PIK3CA: variants seen among roughly 807,000 people sequenced by gnomAD.
PIK3CA encodes phosphatidylinositol-4,5-bisphosphate 3-kinase catalytic subunit alpha, also known as phosphatidylinositol 4,5-bisphosphate 3-kinase catalytic subunit alpha isoform.
PIK3CA carries 27 observed loss-of-function variants against 138.2 expected under a neutral mutation model. The ratio of observed to expected loss-of-function variants is 0.20; its 90% CI spans 0.14 to 0.27. The LOEUF is 0.27. Ranked by LOEUF, PIK3CA falls within the 10% of genes least tolerant of loss-of-function variation. PIK3CA has a pLI of 1.00. For missense variants in PIK3CA, 544 were observed against 1,277.4 expected, an observed-to-expected ratio of 0.43 and a Z score of 8.75; for synonymous variants, 358 against 413.2, an observed-to-expected ratio of 0.87 and a Z score of 1.62.
intron 1 of PIK3CA, among the ~76,000 whole-genome samples, chr3:179,179,518 G>T (rs926969253): frequency 6.6e-6 from 1 of 152,206 alleles, no homozygotes; most frequent in African/African-American, 2.4e-5. Flanking sequence ...TTGGAAAAGA[G>T]CATGACAGAA....
chr3:179,211,885 A>C (rs551457924), intron 9 of PIK3CA, among the ~76,000 whole-genome samples: 1 of 152,160 alleles, frequency 6.6e-6, no homozygotes, highest in Non-Finnish European at 1.5e-5. Context: ...AAGCAGAGAA[A>C]CGTCATGACG....
At chr3:179,171,115 T>TA (rs1481129337) in intron 1 of PIK3CA, among the ~76,000 whole-genome samples, 4 of 149,868 alleles carry the variant, frequency 2.7e-5, no homozygotes, top group Non-Finnish European at 5.9e-5. Context: ...ACAAAGGAAT[T>TA]AAAAATCATG....
intron 1 of PIK3CA, among the ~76,000 whole-genome samples, chr3:179,158,098 C>A (rs948234688): frequency 6.6e-6 from 1 of 152,086 alleles, no homozygotes; most frequent in Non-Finnish European, 1.5e-5. Context: ...TCTGTCCCTT[C>A]CAAGAATTTA....
intron 20 of PIK3CA, chr3:179,233,284 T>C (rs1725254170): frequency 5.0e-6 from 2 of 398,250 alleles, no homozygotes; most frequent in Non-Finnish European, 8.9e-6. Flanking sequence ...CTTGTCTTGT[T>C]CTAGTTCTCA....
chr3:179,218,348 T>G lies in PIK3CA; in HGVS notation c.1664+14T>G, dbSNP rs776839472. On this transcript the variant is annotated intron_variant, in intron 10 of 20. Transcript: ENST00000263967. ...ATGGAGTCACAGGTAAGTGCTAAAA[T>G]GGAGATTCTCTGTTTCTTTTTCTTT... 6.3e-7 allele frequency: 1 copy of G among 1,592,422 alleles called. No individual in the cohort carries two copies. Among genetic ancestry groups the G allele is most frequent in the Admixed American group, 1.8e-5 (1 of 56,438 alleles).
chr3:179,196,338 C>T (rs1724264953), intron 1 of PIK3CA, among the ~76,000 whole-genome samples: 1 of 152,116 alleles, frequency 6.6e-6, no homozygotes, highest in Non-Finnish European at 1.5e-5. Flanking sequence ...GGCATGTCAT[C>T]ATTTAAAAGT....
intron 1 of PIK3CA, among the ~76,000 whole-genome samples, chr3:179,193,389 G>T (rs1040650300): frequency 2.7e-4 from 41 of 152,314 alleles, no homozygotes; most frequent in African/African-American, 9.1e-4. Flanking sequence ...CTAGAAGAAG[G>T]AGATGCTACT....
At chr3:179,166,726 A>G (rs977022441) in intron 1 of PIK3CA, among the ~76,000 whole-genome samples, 2 of 152,210 alleles carry the variant, frequency 1.3e-5, no homozygotes, top group Admixed American at 6.5e-5. Flanking sequence ...AAGTATTCAC[A>G]TGGGTTTCCA....
chr3:179,228,809 C>T (rs1487134695), intron 17 of PIK3CA, among the ~76,000 whole-genome samples: 2 of 151,784 alleles, frequency 1.3e-5, no homozygotes, highest in African/African-American at 4.8e-5. Flanking sequence ...TTTATTTTCC[C>T]TATTTCAATT....
Position 179,239,213 on chromosome 3 carries a change from T to C in PIK3CA, c.*4849T>C, listed in dbSNP as rs1725391240. The C allele has an allele frequency of 4.9e-6, 1 of 205,546 alleles. No individual in the cohort carries two copies. The highest frequency in any genetic ancestry group is 6.0e-5 in the Admixed American group (1 of 16,772). 12.7% of individuals were successfully genotyped at this position (205,546 alleles called of 1,614,324 possible). A position where few individuals can be genotyped will look rare whatever the true frequency, so the allele number is the denominator to read the frequency against. On this transcript the variant is annotated 3_prime_UTR_variant, in exon 21 of 21. Transcript: ENST00000263967. ...AGAAAAGGTTTTTAAATGTATTTTTTTAGCCAGTTAAAGTCTATGAATCTA... is the reference window on the plus strand; with the variant it reads ...AGAAAAGGTTTTTAAATGTATTTTTCTAGCCAGTTAAAGTCTATGAATCTA...
At chr3:179,150,468 C>T (rs1722988259) in intron 1 of PIK3CA, among the ~76,000 whole-genome samples, 1 of 151,920 alleles carries the variant, frequency 6.6e-6, no homozygotes, top group South Asian at 2.1e-4. Flanking sequence ...AATGAAACAC[C>T]TGTAAATATA....
chr3:179,171,723 GTAAA>G (rs1381887671), intron 1 of PIK3CA, among the ~76,000 whole-genome samples: 1 of 152,064 alleles, frequency 6.6e-6, no homozygotes, highest in Non-Finnish European at 1.5e-5. Context: ...CCTATATAGA[GTAAA>G]TAAATTGAAT....
At chr3:179,195,513 G>T (rs1724245732) in intron 1 of PIK3CA, among the ~76,000 whole-genome samples, 1 of 152,074 alleles carries the variant, frequency 6.6e-6, no homozygotes, top group African/African-American at 2.4e-5. Context: ...GGAAAAATGA[G>T]ATTCATTGAG....
Position 179,199,919 on chromosome 3 carries a change from A to C in PIK3CA, c.562+20A>C, listed in dbSNP as rs749141814. On this transcript the variant is annotated intron_variant, in intron 3 of 20. Transcript: ENST00000263967. ...ATAAAGGTAAGAAAATGACTAATCT[A>C]CTCTAATCATTACTATAGTGCAGTC... is the stretch of plus-strand genomic sequence containing the variant. 6 of 1,408,186 alleles carry C rather than the reference A, an allele frequency of 4.3e-6. No individual in the cohort carries two copies. The highest frequency in any genetic ancestry group is 6.0e-6 in the Non-Finnish European group (6 of 994,280). The allele number at this position is 1,408,186 out of a possible 1,614,324, so 87.2% of individuals were successfully genotyped here.
chr3:179,225,840 G>A (rs1423563511), intron 16 of PIK3CA, 122 bp from the exon 17 acceptor site: 3 of 548,478 alleles, frequency 5.5e-6, no homozygotes, highest in African/African-American at 3.8e-5. Context: ...TTGCTTTCCT[G>A]AAGTTTCTTT....
At chr3:179,222,793 T>C (rs1360648992) in intron 14 of PIK3CA, among the ~76,000 whole-genome samples, 1 of 152,174 alleles carries the variant, frequency 6.6e-6, no homozygotes, top group East Asian at 1.9e-4. Context: ...TGAATGCATG[T>C]AGGAAGAGAT....
chr3:179,193,083 A>G (rs950179699), intron 1 of PIK3CA, among the ~76,000 whole-genome samples: 3 of 152,202 alleles, frequency 2.0e-5, no homozygotes, highest in African/African-American at 7.2e-5. Flanking sequence ...GCTGGGTAGT[A>G]CTGTCTACTC....
intron 4 of PIK3CA, among the ~76,000 whole-genome samples, 196 bp from the exon 5 acceptor site, chr3:179,203,344 GTGTT>G (rs1365972808): frequency 6.6e-6 from 1 of 152,174 alleles, no homozygotes; most frequent in African/African-American, 2.4e-5. Context: ...ATATTCAGAA[GTGTT>G]TGATTGATCT....
chr3:179,234,486 G>T lies in PIK3CA; in HGVS notation c.*122G>T, dbSNP rs1004545166. 7 of 696,016 alleles carry T rather than the reference G, an allele frequency of 1.0e-5. No homozygotes were observed. The African/African-American group carries it at 1.3e-4, about 13-fold the overall frequency. 43.1% of individuals were successfully genotyped at this position (696,016 alleles called of 1,614,324 possible). ...TCCATGAACAGCATTAGAATTTACA[G>T]CAAGAACAGAAATAAAATACTATAT... On this transcript the variant is annotated 3_prime_UTR_variant, in exon 21 of 21. Coordinates refer to ENST00000263967, the MANE Select transcript of PIK3CA (RefSeq NM_006218.4). The surrounding 1 kb of genome is among the most constrained non-coding windows in gnomAD (Gnocchi z 5.1).
Sources: gnomAD v4.1 joint callset for allele counts (sites outside exome capture counted in the v4.1 genomes callset) on GRCh38, gnomAD v4.1.1 for gene constraint, Gnocchi (gnomAD v3.1) non-coding constraint, MANE v1.5 for transcripts, NCBI Gene and HGNC (gene_info 2026-07-23, HGNC 2026-07-21) for gene names.